PARVB: variants seen among roughly 807,000 people sequenced by gnomAD.
The protein encoded by PARVB is parvin beta, also known as beta-parvin.
In PARVB, 46 loss-of-function variants were observed where a neutral mutation model predicts 47.0. That is an observed-to-expected ratio of 0.98 (90% CI 0.77 to 1.25). The LOEUF (loss-of-function observed/expected upper bound fraction) is 1.25. PARVB is among the 50% of genes most tolerant of loss of function. The pLI is 0.00. For synonymous variants in PARVB, 196 were observed against 196.3 expected, an observed-to-expected ratio of 1.00 and a Z score of 0.01; for missense variants, 473 against 471.6, an observed-to-expected ratio of 1.00 and a Z score of -0.03.
chr22:44,013,438 C>T (rs985650766), intron 2 of PARVB, among the ~76,000 whole-genome samples: 3 of 152,198 alleles, frequency 2.0e-5, no homozygotes, highest in African/African-American at 7.2e-5. Flanking sequence ...TCAGGCTGCA[C>T]ATCACCCAGC....
chr22:44,063,916 C>T (rs999551009), intron 1 of PARVB, among the ~76,000 whole-genome samples: 3 of 152,204 alleles, frequency 2.0e-5, no homozygotes, highest in Admixed American at 6.5e-5. Context: ...CTTCCCAGGC[C>T]TCCCCGGCTT....
intron 1 of PARVB, among the ~76,000 whole-genome samples, chr22:44,027,458 C>G (rs2050749742): frequency 6.6e-6 from 1 of 152,210 alleles, no homozygotes; most frequent in African/African-American, 2.4e-5. Flanking sequence ...GGCACTGGAC[C>G]TCAGGCGCCA....
At chr22:44,128,934 T>C (rs1347936350) in intron 4 of PARVB, among the ~76,000 whole-genome samples, 1 of 152,064 alleles carries the variant, frequency 6.6e-6, no homozygotes, top group Non-Finnish European at 1.5e-5. Flanking sequence ...AAAAATTACC[T>C]GGGCGTGGTG....
intron 1 of PARVB, among the ~76,000 whole-genome samples, chr22:44,026,736 T>G (rs2050736578): frequency 6.6e-6 from 1 of 151,970 alleles, no homozygotes; most frequent in Non-Finnish European, 1.5e-5. Flanking sequence ...TGCTGCACCG[T>G]CGGCTTCATT....
chr22:44,055,878 C>T (rs150948718), intron 1 of PARVB, among the ~76,000 whole-genome samples: 3 of 152,220 alleles, frequency 2.0e-5, no homozygotes, highest in East Asian at 3.9e-4. Context: ...ATGGATTGGC[C>T]GAGGCCTATC....
chr22:44,048,095 A>G (rs1344783064), intron 1 of PARVB, among the ~76,000 whole-genome samples: 1 of 152,200 alleles, frequency 6.6e-6, no homozygotes, highest in African/African-American at 2.4e-5. Flanking sequence ...TCAGGCAGGC[A>G]GAACAGATGC....
At position 44,168,812 on chromosome 22, in the gene PARVB, C is replaced by A. The variant is rs1002398322; in HGVS notation, c.*134C>A. ...GTGTTGACTGTCATCCCCACCCCACCCCTACCTCACGCCTGCCCCACCCCC... is the reference window on the plus strand; with the variant it reads ...GTGTTGACTGTCATCCCCACCCCACACCTACCTCACGCCTGCCCCACCCCC... On this transcript the variant is annotated 3_prime_UTR_variant, in exon 13 of 13. Coordinates refer to ENST00000338758, the MANE Select transcript of PARVB (RefSeq NM_013327.5). 3 of 628,556 alleles carry A rather than the reference C, an allele frequency of 4.8e-6. No homozygotes were observed. Among genetic ancestry groups the A allele is most frequent in the Non-Finnish European group, 8.7e-6 (3 of 346,664 alleles). The allele number at this position is 628,556 out of a possible 1,614,324, so 38.9% of individuals were successfully genotyped here.
In PARVB at chr22:44,093,955, A is replaced by G; in HGVS notation, c.140A>G (p.Asn47Ser). ...EVSDLQEEGK[N>S]AINSPMSPAL... ...AGTGACCTGCAGGAAGAAGGCAAGA[A>G]TGCCATCAACTCACCGATGTCCCCC... Residue 47 changes from asparagine (N) to serine (S), a missense_variant, in exon 2 of 13, where the codon AAT becomes AGT. Transcript: ENST00000338758. The G allele has an allele frequency of 6.2e-7, 1 of 1,613,790 alleles. No homozygotes were observed. The highest frequency in any genetic ancestry group is 2.2e-5 in the East Asian group (1 of 44,872).
rs55865160 is a variant in PARVB, at chr22:44,122,562, C to CAGAG, written c.376+3467_376+3470dup. 5.1e-3 allele frequency among the ~76,000 whole-genome samples: 403 copies of CAGAG among 78,766 alleles called. 14 individuals are homozygous for CAGAG. The highest frequency in any genetic ancestry group is 0.018 in the Middle Eastern group (2 of 110). The allele number at this position is 78,766 out of a possible 152,430, so 51.7% of individuals were successfully genotyped here. A position where few individuals can be genotyped will look rare whatever the true frequency, so the allele number is the denominator to read the frequency against. On this transcript the variant is annotated intron_variant, in intron 4 of 12. Coordinates refer to ENST00000338758, the MANE Select transcript of PARVB (RefSeq NM_013327.5). Reference sequence around the variant, plus strand: ...AGAGAGAGAGAGAGAGACACAGAGACAGAGAGAGAGAGAGAGAGAGAGAGA... The same window carrying CAGAG: ...AGAGAGAGAGAGAGAGACACAGAGACAGAGAGAGAGAGAGAGAGAGAGAGAGAGA...
At position 44,158,050 on chromosome 22, in the gene PARVB, C is replaced by T; in HGVS notation, c.912C>T (p.His304=). The change falls in exon 11 of 13, where the codon CAC becomes CAT. Residue 304 remains histidine, a synonymous_variant. Transcript: ENST00000338758. The stretch of plus-strand genomic sequence containing the variant: ...AAGACTACTTTGTTCCTCTCCACCA[C>T]TTCTACCTGACTCCGGAAAGCTTCG... ...LLEDYFVPLH[H]FYLTPESFDQ... 6.2e-7 allele frequency: 1 copy of T among 1,613,986 alleles called. No homozygotes were observed. The highest frequency in any genetic ancestry group is 1.1e-5 in the South Asian group (1 of 91,086).
intron 2 of PARVB, among the ~76,000 whole-genome samples, chr22:44,094,736 C>T (rs998427300): frequency 2.0e-5 from 3 of 151,860 alleles, no homozygotes; most frequent in African/African-American, 4.8e-5. Flanking sequence ...AGCAGTTCTC[C>T]TGCCTCGGTT....
chr22:44,005,175 C>T (rs2050451396), intron 2 of PARVB, among the ~76,000 whole-genome samples: 1 of 150,566 alleles, frequency 6.6e-6, no homozygotes, highest in East Asian at 2.0e-4. Context: ...TCACGGCTCA[C>T]TGCAGCTTCA....
chr22:44,172,873 C>T lies in PARVB; in HGVS notation c.*4195C>T, dbSNP rs924586743. On this transcript the variant is annotated 3_prime_UTR_variant, in exon 13 of 13. Coordinates refer to ENST00000338758, the MANE Select transcript of PARVB (RefSeq NM_013327.5). ...GCAAACACTTCTTCCGCCAGGGATG[C>T]GGTTAGGACAATGCCACGTGGCGTC... 1.5e-5 allele frequency: 13 copies of T among 873,898 alleles called. No homozygotes were observed. The highest frequency in any genetic ancestry group is 6.8e-5 in the East Asian group (1 of 14,620). The allele number at this position is 873,898 out of a possible 1,614,324, so 54.1% of individuals were successfully genotyped here.
chr22:44,116,244 A>G (rs11703393), intron 3 of PARVB: 52,231 of 152,148 alleles, frequency 0.34, 9,537 homozygotes, highest in African/African-American at 0.47. Flanking sequence ...TGATTCGATC[A>G]GGTTGTCACT....
At chr22:44,126,124 G>A (rs1347398125) in intron 4 of PARVB, among the ~76,000 whole-genome samples, 2 of 152,186 alleles carry the variant, frequency 1.3e-5, no homozygotes, top group Non-Finnish European at 2.9e-5. Context: ...AGGCTGCAGT[G>A]TACGTGTGAA....
chr22:44,011,760 C>T (rs564778548), intron 2 of PARVB, among the ~76,000 whole-genome samples: 1 of 152,258 alleles, frequency 6.6e-6, no homozygotes, highest in Admixed American at 6.5e-5. Context: ...GCTATGGCCG[C>T]CACATCCTTA....
At chr22:44,127,383 T>G (rs1345580268) in intron 4 of PARVB, among the ~76,000 whole-genome samples, 1 of 152,234 alleles carries the variant, frequency 6.6e-6, no homozygotes, top group Non-Finnish European at 1.5e-5. Flanking sequence ...TGATGTGAGA[T>G]CCTCTTGATG....
At chr22:44,098,324 A>G (rs1295888445) in intron 2 of PARVB, among the ~76,000 whole-genome samples, 1 of 152,150 alleles carries the variant, frequency 6.6e-6, no homozygotes, top group African/African-American at 2.4e-5. Context: ...CAGGCACACA[A>G]AGTCCTCTTT....
chr22:44,109,914 C>T (rs1169807347), intron 3 of PARVB: 2 of 151,372 alleles, frequency 1.3e-5, no homozygotes, highest in African/African-American at 2.4e-5. Context: ...GAGATCGAGA[C>T]CATCCCGGCT....
Sources: gnomAD v4.1 joint callset for allele counts (sites outside exome capture counted in the v4.1 genomes callset) on GRCh38, gnomAD v4.1.1 for gene constraint, MANE v1.5 for transcripts, NCBI Gene and HGNC (gene_info 2026-07-23, HGNC 2026-07-21) for gene names.